DACH2: variants seen among roughly 807,000 people sequenced by gnomAD.
DACH2 encodes the protein dachshund homolog 2.
A neutral mutation model predicts 35.8 loss-of-function variants in DACH2; 17 were observed. The ratio of observed to expected loss-of-function variants is 0.48; its 90% CI spans 0.33 to 0.71. The LOEUF (loss-of-function observed/expected upper bound fraction) is 0.71, where lower values mean the gene tolerates loss of function less well. DACH2 is among the 30% of genes least tolerant of loss of function. DACH2 has a pLI of 0.02. For synonymous variants in DACH2, 195 were observed against 177.3 expected, an observed-to-expected ratio of 1.10 and a Z score of -0.79; for missense variants, 469 against 472.7, an observed-to-expected ratio of 0.99 and a Z score of 0.07.
chrX:86,532,403 T>C (rs1162241743), intron 3 of DACH2, among the ~76,000 whole-genome samples: 1 of 111,090 alleles, frequency 9.0e-6, no homozygotes, highest in African/African-American at 3.3e-5. Context: ...GATGATTGGA[T>C]CATGGGTACA....
At chrX:86,717,924 G>A (rs990801937) in intron 6 of DACH2, among the ~76,000 whole-genome samples, 2 of 108,043 alleles carry the variant, frequency 1.9e-5, no homozygotes, top group African/African-American at 6.7e-5. Context: ...GGACACATAG[G>A]TTGATCGTAT....
At chrX:86,218,878 TG>T (rs762062220) in intron 1 of DACH2, among the ~76,000 whole-genome samples, 1 of 111,793 alleles carries the variant, frequency 8.9e-6, no homozygotes, top group Non-Finnish European at 1.9e-5. Flanking sequence ...TCCTTATCCC[TG>T]GGTTGAAATG....
chrX:86,365,564 AAAT>A (rs890218014), intron 1 of DACH2, among the ~76,000 whole-genome samples: 1 of 111,681 alleles, frequency 9.0e-6, no homozygotes, highest in Non-Finnish European at 1.9e-5. Context: ...GGTATTTGGG[AAAT>A]AATAAGCATA....
intron 1 of DACH2, among the ~76,000 whole-genome samples, chrX:86,240,800 A>G (rs1176222396): frequency 9.1e-6 from 1 of 109,860 alleles, no homozygotes; most frequent in Non-Finnish European, 1.9e-5. Context: ...CATGATAATT[A>G]AGTGTGTTCT....
chrX:86,435,918 A>G (rs1422064394), intron 2 of DACH2, among the ~76,000 whole-genome samples: 1 of 111,660 alleles, frequency 9.0e-6, no homozygotes, highest in Admixed American at 9.5e-5. Flanking sequence ...CAAATAAGTG[A>G]AATCTGTTTC....
At chrX:86,304,115 T>A (rs2034630067) in intron 1 of DACH2, among the ~76,000 whole-genome samples, 1 of 111,596 alleles carries the variant, frequency 9.0e-6, no homozygotes, top group Non-Finnish European at 1.9e-5. Flanking sequence ...GAACACACAA[T>A]GGGGGAAAGA....
intron 1 of DACH2, among the ~76,000 whole-genome samples, chrX:86,202,837 A>G (rs138152155): frequency 0.011 from 1,262 of 111,359 alleles, 24 homozygotes; most frequent in African/African-American, 0.039. Context: ...GAATAATGTA[A>G]GAGAGGGAAA....
chrX:86,712,507 G>A (rs1369542702), intron 5 of DACH2, among the ~76,000 whole-genome samples: 1 of 107,996 alleles, frequency 9.3e-6, no homozygotes, highest in Non-Finnish European at 1.9e-5. Context: ...ATTATCCCAC[G>A]TTGTGTGTAT....
At chrX:86,212,895 A>G (rs1333043522) in intron 1 of DACH2, among the ~76,000 whole-genome samples, 2 of 111,405 alleles carry the variant, frequency 1.8e-5, no homozygotes, top group Non-Finnish European at 3.8e-5. Flanking sequence ...CCCAGGAGGC[A>G]CAAAAGTCAG....
chrX:86,779,146 T>C (rs1227886476), intron 7 of DACH2, among the ~76,000 whole-genome samples: 1 of 111,788 alleles, frequency 8.9e-6, no homozygotes, highest in African/African-American at 3.3e-5. Flanking sequence ...TAATGTTACA[T>C]TGTAATAAGT....
At chrX:86,291,307 G>T (rs1182061656) in intron 1 of DACH2, among the ~76,000 whole-genome samples, 1 of 96,282 alleles carries the variant, frequency 1.0e-5, no homozygotes, top group East Asian at 3.4e-4. Flanking sequence ...TTGCTTATCA[G>T]CTTAAGGAGA....
At chrX:86,158,242 G>A (rs1348836873) in intron 1 of DACH2, among the ~76,000 whole-genome samples, 2 of 111,043 alleles carry the variant, frequency 1.8e-5, no homozygotes, top group African/African-American at 3.3e-5. Context: ...TTACCAAACC[G>A]CAAGTTGACC....
chrX:86,676,196 T>C (rs1293461945), intron 4 of DACH2, among the ~76,000 whole-genome samples: 1 of 112,064 alleles, frequency 8.9e-6, no homozygotes, highest in Non-Finnish European at 1.9e-5. Context: ...GTAAGGGAAA[T>C]TGTGGGTAAA....
chrX:86,290,647 C>A (rs2034265161), intron 1 of DACH2, among the ~76,000 whole-genome samples: 1 of 107,380 alleles, frequency 9.3e-6, no homozygotes, highest in East Asian at 2.9e-4. Context: ...ATATGGCTAG[C>A]CAGTTTTCCC....
chrX:86,698,618 C>T (rs1280931831), intron 5 of DACH2, among the ~76,000 whole-genome samples: 1 of 95,938 alleles, frequency 1.0e-5, no homozygotes, highest in African/African-American at 3.9e-5. Flanking sequence ...GCCTTGACCT[C>T]CCAGGCTCAG....
At chrX:86,766,261 TG>T (rs2041933958) in intron 7 of DACH2, among the ~76,000 whole-genome samples, 1 of 111,743 alleles carries the variant, frequency 8.9e-6, no homozygotes, top group African/African-American at 3.3e-5. Flanking sequence ...CGTTCCTAAT[TG>T]TATTCTGAAA....
chrX:86,195,298 T>G (rs1028010913), intron 1 of DACH2, among the ~76,000 whole-genome samples: 2 of 112,069 alleles, frequency 1.8e-5, no homozygotes, highest in African/African-American at 6.5e-5. Flanking sequence ...CCTCTGCCAG[T>G]GCATTGCCCT....
chrX:86,288,860 G>A (rs1420305032), intron 1 of DACH2, among the ~76,000 whole-genome samples: 1 of 111,793 alleles, frequency 8.9e-6, no homozygotes, highest in South Asian at 3.7e-4. Flanking sequence ...TCTCAAGTCT[G>A]GTTTGGTGCT....
intron 5 of DACH2, among the ~76,000 whole-genome samples, chrX:86,700,088 T>C (rs2041122572): frequency 1.9e-5 from 2 of 106,646 alleles, no homozygotes; most frequent in East Asian, 5.8e-4. Flanking sequence ...TTTTTCAATT[T>C]GCTGAAGATT....
Sources: gnomAD v4.1 joint callset for allele counts (sites outside exome capture counted in the v4.1 genomes callset) on GRCh38, gnomAD v4.1.1 for gene constraint, MANE v1.5 for transcripts, NCBI Gene and HGNC (gene_info 2026-07-23, HGNC 2026-07-21) for gene names.